CPLX2: variants seen among roughly 807,000 people sequenced by gnomAD.
CPLX2 encodes the protein complexin-2.
Under a neutral mutation model 16.3 loss-of-function variants are expected in CPLX2, and 5 were observed. The ratio of observed to expected loss-of-function variants is 0.31; its 90% CI spans 0.16 to 0.64. The LOEUF (loss-of-function observed/expected upper bound fraction) is 0.64. Among genes scored for constraint, CPLX2 ranks in the 30% least tolerant of loss-of-function variants. CPLX2 has a pLI of 0.79. For missense variants in CPLX2, 144 were observed against 181.4 expected (o/e 0.79, Z 1.18); for synonymous variants, 89 against 73.2 (o/e 1.22, Z -1.10).
rs890223760 is a variant in CPLX2 at position 175,805,798 on chromosome 5, G to A, written c.-168-3191G>A. Among the ~76,000 whole-genome samples the A allele has an allele frequency of 4.6e-5, 7 of 152,318 alleles. No homozygotes were observed. In the South Asian group the frequency reaches 6.2e-4, roughly 14 times the overall value. On this transcript the variant is annotated intron_variant, in intron 1 of 4. Transcript: ENST00000359546. ...TAGGAGCTGCCACAGCGATTTTCTC[G>A]TGGCTGGGAGAGGACCTCCAACTCC...
chr5:175,853,950 C>A (rs543873544), intron 2 of CPLX2, among the ~76,000 whole-genome samples: 2 of 152,206 alleles, frequency 1.3e-5, no homozygotes. Flanking sequence ...ATTCATGGTA[C>A]CTGTTCCTCC....
At chr5:175,865,086 G>A (rs62387103) in intron 2 of CPLX2, among the ~76,000 whole-genome samples, 3,006 of 71,046 alleles carry the variant, frequency 0.042, 67 homozygotes, top group African/African-American at 0.095. Flanking sequence ...GCATGTGCGC[G>A]CGCGCACACA....
At chr5:175,877,584 C>T (rs1210948769) in intron 1 of CPLX2, among the ~76,000 whole-genome samples, 1 of 152,164 alleles carries the variant, frequency 6.6e-6, no homozygotes, top group Non-Finnish European at 1.5e-5. Flanking sequence ...TCACGGATGT[C>T]CCCTCTACAC....
chr5:175,844,852 G>T (rs926057695), intron 2 of CPLX2, among the ~76,000 whole-genome samples: 1 of 152,262 alleles, frequency 6.6e-6, no homozygotes, highest in Non-Finnish European at 1.5e-5. Flanking sequence ...CAGCACGTTT[G>T]TAAACTCCAA....
Position 175,799,934 on chromosome 5 carries a change from G to C in CPLX2, c.-169+3150G>C, listed in dbSNP as rs560263891. ...GCCCCTTAGTTCTCATGAGCAAAAGGCTGCACAGTCAGAAGCCCAGATCTC... is the reference window on the plus strand; with the variant it reads ...GCCCCTTAGTTCTCATGAGCAAAAGCCTGCACAGTCAGAAGCCCAGATCTC... On this transcript the variant is annotated intron_variant, in intron 1 of 4. Transcript: ENST00000359546. Among the ~76,000 whole-genome samples the C allele has an allele frequency of 8.5e-4, 130 of 152,162 alleles. 1 individual carries two copies. Among genetic ancestry groups the C allele is most frequent in the African/African-American group, 3.0e-3 (126 of 41,528 alleles).
intron 1 of CPLX2, among the ~76,000 whole-genome samples, chr5:175,876,413 G>C (rs951184598): frequency 6.6e-6 from 1 of 152,132 alleles, no homozygotes; most frequent in Non-Finnish European, 1.5e-5. Flanking sequence ...GAAGAGACAG[G>C]AGGAAGAAGA....
At chr5:175,820,127 C>T (rs1378406380) in intron 2 of CPLX2, among the ~76,000 whole-genome samples, 1 of 152,156 alleles carries the variant, frequency 6.6e-6, no homozygotes, top group Non-Finnish European at 1.5e-5. Flanking sequence ...TTGGTCAGCT[C>T]CTGTCTCTGC....
chr5:175,836,829 T>G (rs923761652), intron 2 of CPLX2, among the ~76,000 whole-genome samples: 1 of 152,232 alleles, frequency 6.6e-6, no homozygotes, highest in Non-Finnish European at 1.5e-5. Flanking sequence ...TCCCAGCTGA[T>G]CCTTGCCCTG....
intron 1 of CPLX2, among the ~76,000 whole-genome samples, chr5:175,874,437 C>T (rs1194690060): frequency 6.6e-6 from 1 of 152,160 alleles, no homozygotes; most frequent in Non-Finnish European, 1.5e-5. Context: ...GCTGGGACTC[C>T]CTTGTTCCCT....
In CPLX2 at chr5:175,831,573, A is replaced by G. The variant is rs377599199; in HGVS notation, c.-89+22505A>G. Among the ~76,000 whole-genome samples the G allele has an allele frequency of 3.9e-5, 6 of 152,354 alleles. No homozygotes were observed. The East Asian group carries it at 9.6e-4, about 25-fold the overall frequency. ...CTCTGTTATGGGCTCTGAGCAGAACATTGACTATGATTCAACAAACCATAG... is the reference window on the plus strand; with the variant it reads ...CTCTGTTATGGGCTCTGAGCAGAACGTTGACTATGATTCAACAAACCATAG... On this transcript the variant is annotated intron_variant, in intron 2 of 4. Coordinates refer to the CPLX2 transcript ENST00000359546.
intron 2 of CPLX2, among the ~76,000 whole-genome samples, chr5:175,863,391 A>G (rs1759407366): frequency 6.6e-6 from 1 of 152,240 alleles, no homozygotes; most frequent in Admixed American, 6.5e-5. Flanking sequence ...CCAAGTTCAG[A>G]TGCTGTTGCT....
chr5:175,820,656 C>A (rs981629884), intron 2 of CPLX2, among the ~76,000 whole-genome samples: 1 of 152,162 alleles, frequency 6.6e-6, no homozygotes, highest in Non-Finnish European at 1.5e-5. Flanking sequence ...AGCAGCCCCC[C>A]GCCCCCTACC....
At chr5:175,799,539 CATATATATATAT>C (rs70988299) in intron 1 of CPLX2, among the ~76,000 whole-genome samples, 86 of 72,276 alleles carry the variant, frequency 1.2e-3, no homozygotes, top group Non-Finnish European at 5.7e-4. Context: ...TTGCAAATTT[CATATATATATAT>C]ATATATATAT....
intron 2 of CPLX2, among the ~76,000 whole-genome samples, chr5:175,851,652 G>A (rs979363306): frequency 8.5e-5 from 13 of 152,348 alleles, no homozygotes; most frequent in Middle Eastern, 6.8e-3. Context: ...GCCAGCCATG[G>A]GGGCCACCAA....
intron 1 of CPLX2, among the ~76,000 whole-genome samples, chr5:175,808,709 G>T (rs1758258348): frequency 6.6e-6 from 1 of 152,180 alleles, no homozygotes. Context: ...ATGGTCAATT[G>T]TACTACCACC....
intron 2 of CPLX2, among the ~76,000 whole-genome samples, chr5:175,817,691 A>C (rs1454687407): frequency 6.6e-6 from 1 of 152,218 alleles, no homozygotes; most frequent in Non-Finnish European, 1.5e-5. Context: ...TCACTTCCCC[A>C]CCTGGCTGAC....
chr5:175,807,849 T>A (rs1455170840), intron 1 of CPLX2, among the ~76,000 whole-genome samples: 1 of 152,064 alleles, frequency 6.6e-6, no homozygotes, highest in African/African-American at 2.4e-5. Context: ...TGTTAGGAGG[T>A]AACGGTGCCT....
Position 175,811,462 on chromosome 5 carries a change from T to G in CPLX2, c.-89+2394T>G, listed in dbSNP as rs542486750. Among the ~76,000 whole-genome samples, 6 of 152,310 alleles carry G rather than the reference T, an allele frequency of 3.9e-5. No individual in the cohort carries two copies. The East Asian group carries it at 9.6e-4, about 24-fold the overall frequency. On this transcript the variant is annotated intron_variant, in intron 2 of 4. Transcript: ENST00000359546. The stretch of plus-strand genomic sequence containing the variant: ...TCATTTTATTGGTGGATTCTGCCTT[T>G]CTCTCAACTAGAGCCTGGCTCAGAG...
chr5:175,848,911 C>T (rs1172562962), intron 2 of CPLX2, among the ~76,000 whole-genome samples: 1 of 152,132 alleles, frequency 6.6e-6, no homozygotes. Context: ...GTCCGTGTGG[C>T]TGAAGCAGAG....
Sources: allele counts gnomAD v4.1 joint callset (sites outside exome capture counted in the v4.1 genomes callset), GRCh38; gene constraint gnomAD v4.1.1; transcripts MANE v1.5; gene names NCBI Gene and HGNC (gene_info 2026-07-23, HGNC 2026-07-21).